CARD8: variants seen among roughly 807,000 people sequenced by gnomAD.
CARD8 encodes caspase recruitment domain-containing protein 8.
A neutral mutation model predicts 53.2 loss-of-function variants in CARD8; 38 were observed. That is an observed-to-expected ratio of 0.71 (90% CI 0.55 to 0.94). The LOEUF (loss-of-function observed/expected upper bound fraction) is 0.94, where lower values mean the gene tolerates loss of function less well. Among genes scored for constraint, CARD8 ranks in the 40% least tolerant of loss-of-function variants. The probability of loss-of-function intolerance (pLI) is 0.00; values close to 1 mark genes in which losing one functional copy is unlikely to be tolerated. For synonymous variants in CARD8, 245 were observed against 244.9 expected, an observed-to-expected ratio of 1.00 and a Z score of 0.00; for missense variants, 561 against 655.5, an observed-to-expected ratio of 0.86 and a Z score of 1.57.
intron 1 of CARD8, among the ~76,000 whole-genome samples, chr19:48,250,387 A>G (rs2046794493): frequency 6.6e-6 from 1 of 152,240 alleles, no homozygotes; most frequent in Admixed American, 6.5e-5. Flanking sequence ...TAAGGTTGCA[A>G]TGACCTTTAT....
At position 48,217,553 on chromosome 19, in the gene CARD8, T is replaced by C. The variant is rs75964322; in HGVS notation, c.1303+1318A>G. ...AGTGACTTTTTGTTCAAGAGACTTG[T>C]TTTAAAATTAATCTGTGCCCATACA... On this transcript the variant is annotated intron_variant, in intron 12 of 13. Coordinates refer to ENST00000651546, the MANE Select transcript of CARD8 (RefSeq NM_001184900.3). Among the ~76,000 whole-genome samples the C allele has an allele frequency of 4.1e-3, 620 of 152,292 alleles. 3 individuals are homozygous for C. Among genetic ancestry groups the C allele is most frequent in the African/African-American group, 0.013 (522 of 41,558 alleles).
At position 48,247,540 on chromosome 19, in the gene CARD8, T is replaced by A. The variant is rs377094583; in HGVS notation, c.-44+1983A>T. Among the ~76,000 whole-genome samples the A allele has an allele frequency of 8.5e-5, 13 of 152,076 alleles. No homozygotes were observed. In the South Asian group the frequency reaches 2.7e-3, roughly 32 times the overall value. ...AAACAACATGTAAACTTTCTACTCT[T>A]CAAGTAAAGAGTAAAAATTTGTATA... On this transcript the variant is annotated intron_variant, in intron 3 of 13. Coordinates refer to ENST00000651546, the MANE Select transcript of CARD8 (RefSeq NM_001184900.3).
At chr19:48,215,888 T>C (rs959665749) in intron 12 of CARD8, among the ~76,000 whole-genome samples, 2 of 152,192 alleles carry the variant, frequency 1.3e-5, no homozygotes, top group Non-Finnish European at 1.5e-5. Flanking sequence ...TGCACTTTCA[T>C]CTAGACTCCT....
chr19:48,236,314 G>T (rs1600507183), intron 5 of CARD8, among the ~76,000 whole-genome samples: 2 of 152,284 alleles, frequency 1.3e-5, no homozygotes, highest in South Asian at 4.1e-4. Flanking sequence ...CCGGGTTCAA[G>T]CTATTCTCCT....
downstream of CARD8, chr19:48,204,041 T>C (rs1242080934): frequency 1.0e-5 from 4 of 391,210 alleles, no homozygotes; most frequent in South Asian, 7.2e-5. Context: ...CTTCGTCTGC[T>C]GGCGGGAGAG....
chr19:48,238,342 C>T lies in CARD8; in HGVS notation c.209+41G>A, dbSNP rs1233075951. 6 of 1,527,096 alleles carry T rather than the reference C, an allele frequency of 3.9e-6. No homozygotes were observed. The Middle Eastern group carries it at 5.1e-4, about 129-fold the overall frequency. 94.6% of individuals were successfully genotyped at this position (1,527,096 alleles called of 1,614,324 possible). A position where few individuals can be genotyped will look rare whatever the true frequency, so the allele number is the denominator to read the frequency against. Reference sequence around the variant, plus strand: ...GTACATAAACCAATGGAGCAAAATTCCAAATCTTTAATTTTTTCCCAACAA... The same window carrying T: ...GTACATAAACCAATGGAGCAAAATTTCAAATCTTTAATTTTTTCCCAACAA... On this transcript the variant is annotated intron_variant, in intron 5 of 13. Coordinates refer to ENST00000651546, the MANE Select transcript of CARD8 (RefSeq NM_001184900.3).
At position 48,218,867 on chromosome 19, in the gene CARD8, C is replaced by G. The variant is rs1402964046; in HGVS notation, c.1303+4G>C. The G allele has an allele frequency of 6.2e-7, 1 of 1,614,058 alleles. No individual in the cohort carries two copies. Among genetic ancestry groups the G allele is most frequent in the Non-Finnish European group, 8.5e-7 (1 of 1,179,936 alleles). The stretch of plus-strand genomic sequence containing the variant: ...AAAAATGCCAGCCTCGCCCACTCAC[C>G]TACCTGGCTTCACCTCAGTATCCCA... On this transcript the variant is annotated splice_donor_region_variant and intron_variant, in intron 12 of 13. Transcript: ENST00000651546.
At chr19:48,207,641 A>C (rs2037410643), downstream of CARD8, among the ~76,000 whole-genome samples, 1 of 149,496 alleles carries the variant, frequency 6.7e-6, no homozygotes, top group African/African-American at 2.5e-5. Context: ...ATGTTGAATC[A>C]TTTTTATGTA....
At position 48,221,816 on chromosome 19, in the gene CARD8, G is replaced by A. The variant is rs1372373147; in HGVS notation, c.1075C>T (p.Leu359=). The change falls in exon 11 of 14, where the codon CTG becomes TTG. Residue 359 remains leucine, a synonymous_variant. Coordinates refer to ENST00000651546, the MANE Select transcript of CARD8 (RefSeq NM_001184900.3). ...DEEDRFHGVR[L]QTSPPMEPLN... ...GGTTCCATTGGGGGCGAAGTCTGCAGGCGCACACCATGGAAGCGATCTTCC... is the reference window on the plus strand; with the variant it reads ...GGTTCCATTGGGGGCGAAGTCTGCAAGCGCACACCATGGAAGCGATCTTCC... 3.2e-5 allele frequency: 51 copies of A among 1,609,892 alleles called. No homozygotes were observed. The highest frequency in any genetic ancestry group is 4.2e-5 in the Non-Finnish European group (50 of 1,177,110).
chr19:48,251,905 C>A (rs1265426050), intron 1 of CARD8, among the ~76,000 whole-genome samples: 2 of 152,102 alleles, frequency 1.3e-5, no homozygotes, highest in Non-Finnish European at 2.9e-5. Context: ...ATCTCCTGAA[C>A]ACAGAGCCAC....
At position 48,241,044 on chromosome 19, in the gene CARD8, T is replaced by C; in HGVS notation, c.-24A>G. On this transcript the variant is annotated 5_prime_UTR_variant, in exon 4 of 14. Transcript: ENST00000651546. The stretch of plus-strand genomic sequence containing the variant: ...ATTTGTCAAATGTGGTATTTATGTC[T>C]TTACTGTATCTTTTTTACCCTGAAA... The C allele has an allele frequency of 6.6e-7, 1 of 1,520,944 alleles. No homozygotes were observed. The highest frequency in any genetic ancestry group is 8.8e-7 in the Non-Finnish European group (1 of 1,133,214). The allele number at this position is 1,520,944 out of a possible 1,614,324, so 94.2% of individuals were successfully genotyped here.
chr19:48,207,546 C>T (rs568117254), downstream of CARD8, among the ~76,000 whole-genome samples: 179 of 152,126 alleles, frequency 1.2e-3, 6 homozygotes, highest in South Asian at 0.037. Flanking sequence ...TACTTTTGTT[C>T]ATTGTCCATT....
At position 48,211,795 on chromosome 19, in the gene CARD8, CCT is replaced by C. The variant is rs749851325; in HGVS notation, c.1527_1528del (p.Asp511ProfsTer11). The C allele has an allele frequency of 1.9e-6, 3 of 1,614,150 alleles. No individual in the cohort carries two copies. The highest frequency in any genetic ancestry group is 2.2e-5 in the East Asian group (1 of 44,874). On this transcript the variant is annotated frameshift_variant, in exon 14 of 14. Coordinates refer to ENST00000651546, the MANE Select transcript of CARD8 (RefSeq NM_001184900.3). LOFTEE classifies it high-confidence loss of function. ...GAAGAGCACGTCCAGGGCCAGGTCC[CCT>C]TTCTTCTCCACCATGCTCAGCAAGG...
At chr19:48,206,299 A>G (rs1315216633), downstream of CARD8, 1 of 367,518 alleles carries the variant, frequency 2.7e-6, no homozygotes, top group African/African-American at 2.1e-5. Flanking sequence ...TTGCATTTCA[A>G]TAGAACAGTA....
In CARD8 at chr19:48,218,900, G is replaced by C. The variant is rs1267191223; in HGVS notation, c.1274C>G (p.Thr425Ser). ...QLEITEKRHGTLVWDTEVKPV... is the reference protein window; with the variant it reads ...QLEITEKRHGSLVWDTEVKPV... ...CTTCACCTCAGTATCCCACACCAAA[G>C]TCCCATGTCTTTTTTCAGTAATCTC... Residue 425 changes from threonine (T) to serine (S), a missense_variant, in exon 12 of 14, where the codon ACT (threonine) becomes AGT (serine). Transcript: ENST00000651546. The C allele has an allele frequency of 6.2e-7, 1 of 1,614,108 alleles. No homozygotes were observed.
intron 3 of CARD8, chr19:48,242,791 T>C (rs898278439): frequency 1.3e-5 from 2 of 152,180 alleles, no homozygotes; most frequent in African/African-American, 4.8e-5. Flanking sequence ...GCCAGACTGT[T>C]TTCCAAAGCG....
At chr19:48,231,557 C>A (rs2042891654) in intron 8 of CARD8, 103 bp downstream of exon 8, 2 of 1,180,588 alleles carry the variant, frequency 1.7e-6, no homozygotes, top group African/African-American at 1.5e-5. Flanking sequence ...CCCTCCTCCA[C>A]CTCCCAAAGT....
chr19:48,231,763 T>C lies in CARD8; in HGVS notation c.439A>G (p.Lys147Glu), dbSNP rs768852030. The C allele has an allele frequency of 1.2e-6, 2 of 1,614,044 alleles. No homozygotes were observed. The highest frequency in any genetic ancestry group is 8.5e-7 in the Non-Finnish European group (1 of 1,179,950). The change falls in exon 8 of 14, where the codon AAA becomes GAA. Residue 147 changes from lysine (K) to glutamate (E), a missense_variant. Transcript: ENST00000651546. ...TCTTCTTCGATCTCAAAACAGACTT[T>C]AGAAGCATAAGAGGAAACTATTTGA... ...ENQIVSSYASKVCFEIEEDYK... is the reference protein window; with the variant it reads ...ENQIVSSYASEVCFEIEEDYK...
At chr19:48,232,056 C>T in intron 7 of CARD8, 3 of 591,530 alleles carry the variant, frequency 5.1e-6, no homozygotes, top group South Asian at 3.6e-5. Context: ...GGCTGGACAG[C>T]TTTGGTGGGA....
Sources: allele counts gnomAD v4.1 joint callset (sites outside exome capture counted in the v4.1 genomes callset), GRCh38; gene constraint gnomAD v4.1.1; transcripts MANE v1.5; gene names NCBI Gene and HGNC (gene_info 2026-07-23, HGNC 2026-07-21).